The following SUGCT variants were observed in gnomAD, a reference collection of about 807,000 sequenced individuals.
SUGCT encodes the protein succinyl-CoA:glutarate-CoA transferase, also known as succinyl-CoA:glutarate CoA-transferase.
A neutral mutation model predicts 55.0 loss-of-function variants in SUGCT; 41 were observed. The ratio of observed to expected loss-of-function variants is 0.74; its 90% CI spans 0.58 to 0.97. The LOEUF is 0.97. Ranked by LOEUF, SUGCT falls within the 50% of genes least tolerant of loss-of-function variation. The probability of loss-of-function intolerance (pLI) is 0.00; values close to 1 mark genes in which losing one functional copy is unlikely to be tolerated. For synonymous variants in SUGCT, 187 were observed against 200.4 expected (o/e 0.93, Z 0.56); for missense variants, 568 against 547.8 (o/e 1.04, Z -0.37).
chr7:40,799,213 G>C (rs1040508879), intron 13 of SUGCT, among the ~76,000 whole-genome samples: 2 of 152,276 alleles, frequency 1.3e-5, no homozygotes, highest in Admixed American at 6.5e-5. Context: ...AGGCTCTTCA[G>C]TTCCCTAGAA....
chr7:40,696,145 T>G (rs879465289), intron 12 of SUGCT, among the ~76,000 whole-genome samples: 5 of 152,242 alleles, frequency 3.3e-5, no homozygotes, highest in African/African-American at 1.2e-4. Flanking sequence ...GTCCAGCAAC[T>G]ATCTGTTAAT....
intron 11 of SUGCT, among the ~76,000 whole-genome samples, chr7:40,472,094 G>A (rs1790431257): frequency 6.6e-6 from 1 of 152,056 alleles, no homozygotes; most frequent in South Asian, 2.1e-4. Context: ...TTCATTCCCT[G>A]CTGTGCAAAA....
rs528087995 is a variant in SUGCT at position 40,563,342 on chromosome 7, T to C, written c.1089+66956T>C. On this transcript the variant is annotated intron_variant, in intron 12 of 13. Transcript: ENST00000335693. ...GGTGAAATAGTTCAGATACTGTCTG[T>C]TCTTAGAAGGGTTTGACAGTTCTTC... is the stretch of plus-strand genomic sequence containing the variant. Among the ~76,000 whole-genome samples the C allele has an allele frequency of 1.7e-3, 262 of 152,312 alleles. 1 individual carries two copies. Among genetic ancestry groups the C allele is most frequent in the South Asian group, 0.01 (49 of 4,832 alleles).
At chr7:40,909,837 T>A in the SUGCT span, among the ~76,000 whole-genome samples, 2 of 152,148 alleles carry the variant, frequency 1.3e-5, no homozygotes, top group East Asian at 3.9e-4. Context: ...ACGAAATTCC[T>A]TACTGAGTGG....
chr7:40,472,737 G>T (rs186709514), intron 11 of SUGCT, among the ~76,000 whole-genome samples: 1 of 152,030 alleles, frequency 6.6e-6, no homozygotes, highest in South Asian at 2.1e-4. Context: ...GCCTTTTGTC[G>T]TTGAGAGCCC....
chr7:40,997,584 A>G, the SUGCT span, among the ~76,000 whole-genome samples: 2 of 152,188 alleles, frequency 1.3e-5, no homozygotes, highest in Non-Finnish European at 1.5e-5. Context: ...CTTCACTTGG[A>G]TAATATTCAC....
intron 9 of SUGCT, among the ~76,000 whole-genome samples, chr7:40,377,154 C>T (rs1246874139): frequency 6.6e-5 from 1 of 15,230 alleles, no homozygotes; most frequent in East Asian, 1.0e-3. Flanking sequence ...TTCTTTCTTT[C>T]TTTCTTTCTT....
chr7:40,662,720 C>A (rs1353150995), intron 12 of SUGCT, among the ~76,000 whole-genome samples: 1 of 152,132 alleles, frequency 6.6e-6, no homozygotes, highest in East Asian at 1.9e-4. Flanking sequence ...AAAGAACTTC[C>A]ACTTTGCATC....
the SUGCT span, among the ~76,000 whole-genome samples, chr7:41,036,301 C>T: frequency 1.3e-5 from 2 of 152,168 alleles, no homozygotes; most frequent in African/African-American, 2.4e-5. Context: ...ATTTTCATAG[C>T]TGTCAGACTT....
chr7:40,725,757 G>C, intron 12 of SUGCT, among the ~76,000 whole-genome samples: 1 of 152,144 alleles, frequency 6.6e-6, no homozygotes, highest in East Asian at 1.9e-4. Flanking sequence ...GTAGTTCCCA[G>C]AATCACTGTG....
chr7:40,415,492 T>C (rs1171812850), intron 9 of SUGCT, among the ~76,000 whole-genome samples: 1 of 151,820 alleles, frequency 6.6e-6, no homozygotes, highest in East Asian at 1.9e-4. Flanking sequence ...CCTCTATTCA[T>C]CTTTGACTCT....
intron 12 of SUGCT, among the ~76,000 whole-genome samples, chr7:40,559,935 A>C (rs1043151836): frequency 3.9e-5 from 6 of 152,232 alleles, no homozygotes; most frequent in African/African-American, 1.4e-4. Flanking sequence ...TGTTAAACTA[A>C]TGCAAAAGTT....
the SUGCT span, among the ~76,000 whole-genome samples, chr7:40,949,307 T>C: frequency 6.6e-6 from 1 of 152,110 alleles, no homozygotes; most frequent in Non-Finnish European, 1.5e-5. Context: ...GGGTTGTTTG[T>C]TTTTTTCTTG....
At chr7:40,574,577 A>T (rs1296708375) in intron 12 of SUGCT, among the ~76,000 whole-genome samples, 1 of 152,010 alleles carries the variant, frequency 6.6e-6, no homozygotes, top group Non-Finnish European at 1.5e-5. Flanking sequence ...GATTGCAAGC[A>T]CACGCCACCA....
At chr7:40,535,527 A>C (rs1398978013) in intron 12 of SUGCT, among the ~76,000 whole-genome samples, 2 of 152,252 alleles carry the variant, frequency 1.3e-5, no homozygotes, top group African/African-American at 4.8e-5. Context: ...TCAGCCCAGC[A>C]ATCCTATTAG....
At chr7:40,488,402 C>T (rs1236753020) in intron 11 of SUGCT, among the ~76,000 whole-genome samples, 1 of 152,130 alleles carries the variant, frequency 6.6e-6, no homozygotes. Flanking sequence ...TTTGATGTCA[C>T]AACATTCATC....
At chr7:40,231,226 C>T (rs1356447014) in intron 6 of SUGCT, among the ~76,000 whole-genome samples, 5 of 152,104 alleles carry the variant, frequency 3.3e-5, no homozygotes, top group African/African-American at 1.2e-4. Context: ...GTCCTATAGC[C>T]GGTTGTAACA....
intron 5 of SUGCT, among the ~76,000 whole-genome samples, chr7:40,191,482 G>A (rs1483887576): frequency 1.3e-5 from 2 of 152,064 alleles, no homozygotes; most frequent in Non-Finnish European, 1.5e-5. Flanking sequence ...TAGAATTTTC[G>A]TTAACTAGAT....
chr7:40,939,553 T>A, the SUGCT span, among the ~76,000 whole-genome samples: 2 of 152,288 alleles, frequency 1.3e-5, no homozygotes, highest in East Asian at 3.9e-4. Context: ...ACATCTGTTG[T>A]TTTTTGATTT....
Sources: allele counts gnomAD v4.1 joint callset (sites outside exome capture counted in the v4.1 genomes callset), GRCh38; gene constraint gnomAD v4.1.1; transcripts MANE v1.5; gene names NCBI Gene and HGNC (gene_info 2026-07-23, HGNC 2026-07-21).